RALGAPA1: variants seen among roughly 807,000 people sequenced by gnomAD.
RALGAPA1 encodes the protein ral GTPase-activating protein subunit alpha-1.
Under a neutral mutation model 269.6 loss-of-function variants are expected in RALGAPA1, and 52 were observed. That is an observed-to-expected ratio of 0.19 (90% CI 0.15 to 0.24). RALGAPA1 has a LOEUF of 0.24. Among genes scored for constraint, RALGAPA1 ranks in the 10% least tolerant of loss-of-function variants. The pLI, the probability that RALGAPA1 is intolerant of heterozygous loss-of-function variation, is 1.00. For synonymous variants in RALGAPA1, 817 were observed against 1,008.3 expected (o/e 0.81, Z 3.60); for missense variants, 1,917 against 3,013.9 (o/e 0.64, Z 8.52).
At chr14:35,788,856 C>A (rs186928630) in intron 1 of RALGAPA1, among the ~76,000 whole-genome samples, 2 of 152,246 alleles carry the variant, frequency 1.3e-5, no homozygotes, top group South Asian at 2.1e-4. Context: ...ACTTTAATGT[C>A]TTTTCTATCA....
chr14:35,752,926 C>T (rs1035909789), intron 7 of RALGAPA1, among the ~76,000 whole-genome samples: 3 of 152,078 alleles, frequency 2.0e-5, no homozygotes, highest in African/African-American at 7.2e-5. Context: ...AGGAAGAAAC[C>T]AGAATGAACC....
rs371589913 is a variant in RALGAPA1, at chr14:35,760,918, C to A, written c.458G>T (p.Cys153Phe). ...CSKEQLWMFSCLIPGFSAPQS... is the reference protein window; with the variant it reads ...CSKEQLWMFSFLIPGFSAPQS... Reference sequence around the variant, plus strand: ...TGGTGCTGAAAATCCAGGGATTAAGCATGAAAACATCCAGAGCTGTTCTTT... The same window carrying A: ...TGGTGCTGAAAATCCAGGGATTAAGAATGAAAACATCCAGAGCTGTTCTTT... Residue 153 changes from cysteine (C) to phenylalanine (F), a missense_variant, in exon 6 of 42, where the codon TGC becomes TTC. Around this residue, in one of 11 missense-constraint regions of RALGAPA1, gnomAD observed 462 missense variants for 725.6 expected, o/e 0.64. Coordinates refer to ENST00000680220, the MANE Select transcript of RALGAPA1 (RefSeq NM_001346249.2). 6.2e-7 allele frequency: 1 copy of A among 1,611,256 alleles called. No homozygotes were observed. Among genetic ancestry groups the A allele is most frequent in the African/African-American group, 1.3e-5 (1 of 74,966 alleles).
chr14:35,745,414 C>CACAG (rs897954943), intron 10 of RALGAPA1, among the ~76,000 whole-genome samples: 34 of 127,730 alleles, frequency 2.7e-4, no homozygotes, highest in African/African-American at 7.9e-4. Flanking sequence ...TACACAGACA[C>CACAG]ACAGACAGAC....
chr14:35,610,177 T>C (rs1304507936), intron 35 of RALGAPA1, among the ~76,000 whole-genome samples: 2 of 151,812 alleles, frequency 1.3e-5, no homozygotes, highest in African/African-American at 4.8e-5. Context: ...GACACCACTA[T>C]ATATTTTACA....
intron 33 of RALGAPA1, among the ~76,000 whole-genome samples, chr14:35,630,628 C>T (rs1419237001): frequency 6.6e-6 from 1 of 150,770 alleles, no homozygotes; most frequent in Non-Finnish European, 1.5e-5. Context: ...GGTGTGGTGG[C>T]TCACACTTGT....
chr14:35,676,154 A>G (rs184136804), intron 22 of RALGAPA1: 1 of 152,308 alleles, frequency 6.6e-6, no homozygotes, highest in East Asian at 1.9e-4. Context: ...CCCTTTTCAA[A>G]GCTAACAAAA....
intron 1 of RALGAPA1, among the ~76,000 whole-genome samples, chr14:35,785,223 T>G (rs1324450250): frequency 6.6e-6 from 1 of 152,338 alleles, no homozygotes; most frequent in African/African-American, 2.4e-5. Flanking sequence ...AGACATTTTA[T>G]AAACATTAAG....
intron 16 of RALGAPA1, among the ~76,000 whole-genome samples, chr14:35,713,980 T>A (rs1445325552): frequency 6.6e-6 from 1 of 151,370 alleles, no homozygotes; most frequent in East Asian, 1.9e-4. Flanking sequence ...CTGTAATCCC[T>A]GCTACTCGAG....
intron 4 of RALGAPA1, among the ~76,000 whole-genome samples, chr14:35,769,725 T>A (rs1335206867): frequency 6.6e-6 from 1 of 152,136 alleles, no homozygotes; most frequent in Non-Finnish European, 1.5e-5. Flanking sequence ...ACTAACAAAT[T>A]TGTTCCTAGA....
chr14:35,544,103 T>C (rs1001111630), intron 41 of RALGAPA1, among the ~76,000 whole-genome samples: 4 of 152,224 alleles, frequency 2.6e-5, no homozygotes, highest in African/African-American at 9.6e-5. Context: ...GGAGAATTGA[T>C]TAATTTGCAT....
At chr14:35,721,598 G>C in intron 16 of RALGAPA1, 90 bp downstream of exon 16, 1 of 1,202,096 alleles carries the variant, frequency 8.3e-7, no homozygotes, top group Non-Finnish European at 1.1e-6. Flanking sequence ...ATAATCAACT[G>C]GTAAGAAAAA....
intron 31 of RALGAPA1, among the ~76,000 whole-genome samples, chr14:35,636,799 G>A (rs2061690805): frequency 6.6e-6 from 1 of 152,168 alleles, no homozygotes; most frequent in South Asian, 2.1e-4. Context: ...CAGATTACAG[G>A]CATGAGCCAC....
At chr14:35,704,798 C>A (rs1426045831) in intron 16 of RALGAPA1, among the ~76,000 whole-genome samples, 2 of 151,930 alleles carry the variant, frequency 1.3e-5, no homozygotes, top group Non-Finnish European at 2.9e-5. Context: ...AGAGAAGAAC[C>A]AGGTTTGTTA....
chr14:35,700,683 A>G (rs2067263387), intron 16 of RALGAPA1, among the ~76,000 whole-genome samples: 1 of 152,214 alleles, frequency 6.6e-6, no homozygotes, highest in South Asian at 2.1e-4. Flanking sequence ...TTTTGGAACA[A>G]TATTTGGGCA....
intron 24 of RALGAPA1, 41 bp from the exon 25 acceptor site, chr14:35,673,063 C>G (rs1202900355): frequency 7.3e-7 from 1 of 1,363,472 alleles, no homozygotes; most frequent in Non-Finnish European, 9.6e-7. Context: ...AAAAGAAATA[C>G]TATTTGCTAA....
rs940688997 is a variant in RALGAPA1, at chr14:35,588,089, T to C, written c.7209+7545A>G. Among the ~76,000 whole-genome samples the C allele has an allele frequency of 5.9e-5, 9 of 152,142 alleles. No individual in the cohort carries two copies. In the East Asian group the frequency reaches 1.5e-3, roughly 26 times the overall value. On this transcript the variant is annotated intron_variant, in intron 37 of 41. Coordinates refer to ENST00000680220, the MANE Select transcript of RALGAPA1 (RefSeq NM_001346249.2). ...GCCCAGCTAGTTTTTGAATTTTTAGTAAAGACGGGGTTTCACCATGTTGGC... is the reference window on the plus strand; with the variant it reads ...GCCCAGCTAGTTTTTGAATTTTTAGCAAAGACGGGGTTTCACCATGTTGGC...
At chr14:35,749,850 T>C (rs1184515792) in intron 9 of RALGAPA1, among the ~76,000 whole-genome samples, 1 of 152,036 alleles carries the variant, frequency 6.6e-6, no homozygotes, top group Non-Finnish European at 1.5e-5. Flanking sequence ...ACACACATAG[T>C]TTAAGATTTT....
intron 10 of RALGAPA1, among the ~76,000 whole-genome samples, chr14:35,743,029 T>G (rs937154890): frequency 1.5e-4 from 23 of 152,138 alleles, no homozygotes; most frequent in African/African-American, 5.3e-4. Context: ...TCACCCGGAC[T>G]GAGACCATTT....
At chr14:35,803,508 C>T (rs7151251) in intron 1 of RALGAPA1, among the ~76,000 whole-genome samples, 3,318 of 151,998 alleles carry the variant, frequency 0.022, 123 homozygotes, top group African/African-American at 0.075. Flanking sequence ...TCTGCTTCTT[C>T]AAAGAAACAA....
Sources: allele counts gnomAD v4.1 joint callset (sites outside exome capture counted in the v4.1 genomes callset), GRCh38; gene constraint gnomAD v4.1.1; regional missense constraint gnomAD v4.1.1; transcripts MANE v1.5; gene names NCBI Gene and HGNC (gene_info 2026-07-23, HGNC 2026-07-21).